Variants in SMG9 observed in about 807,000 individuals in gnomAD.
The protein encoded by SMG9 is SMG9 nonsense mediated mRNA decay factor.
In SMG9, 55 loss-of-function variants were observed where a neutral mutation model predicts 64.0. The observed-to-expected ratio is 0.86, with a 90% CI of 0.69 to 1.08. The LOEUF is 1.08. Ranked by LOEUF, SMG9 falls within the 50% of genes least tolerant of loss-of-function variation. SMG9 has a pLI of 0.00. For missense variants in SMG9, 554 were observed against 681.3 expected, an observed-to-expected ratio of 0.81 and a Z score of 2.08; for synonymous variants, 244 against 254.8, an observed-to-expected ratio of 0.96 and a Z score of 0.41.
chr19:43,748,887 T>C, intron 2 of SMG9: 1 of 501,742 alleles, frequency 2.0e-6, no homozygotes, highest in Non-Finnish European at 4.0e-6. Context: ...AAAAGAAGTT[T>C]CAAGGGAAAA....
chr19:43,747,847 G>A lies in SMG9; in HGVS notation c.276C>T (p.Ala92=), dbSNP rs1485905984. The part of the protein sequence containing the change: ...PTAPAAPPAP[A]PLEKPIVLMK... ...TGAGAACGATGGGCTTCTCCAGAGG[G>A]GCTGGAGCAGGCGGGGCAGCAGGGG... Residue 92 remains alanine, a synonymous_variant, in exon 4 of 14, where the codon GCC becomes GCT. Transcript: ENST00000270066. 1.9e-6 allele frequency: 3 copies of A among 1,607,428 alleles called. No individual in the cohort carries two copies. Among genetic ancestry groups the A allele is most frequent in the Non-Finnish European group, 2.6e-6 (3 of 1,176,468 alleles).
intron 1 of SMG9, chr19:43,754,380 T>C (rs1217487889): frequency 1.3e-5 from 2 of 152,246 alleles, no homozygotes; most frequent in Non-Finnish European, 2.9e-5. Flanking sequence ...CGTTACACGT[T>C]ATTGGGGCGG....
chr19:43,735,377 G>A (rs1968622791), intron 9 of SMG9, among the ~76,000 whole-genome samples: 1 of 152,064 alleles, frequency 6.6e-6, no homozygotes, highest in African/African-American at 2.4e-5. Flanking sequence ...CAGCACTTTG[G>A]GGAGCTGAGG....
At chr19:43,732,297 A>G (rs1393585522) in intron 13 of SMG9, 3 of 161,042 alleles carry the variant, frequency 1.9e-5, no homozygotes, top group Non-Finnish European at 4.1e-5. Context: ...ACCTGGACTC[A>G]TATGCTGAGA....
At chr19:43,744,051 C>T (rs538300217) in intron 6 of SMG9, among the ~76,000 whole-genome samples, 20 of 152,180 alleles carry the variant, frequency 1.3e-4, no homozygotes, top group Non-Finnish European at 2.5e-4. Context: ...CCCTTTCCTT[C>T]TCTGCCCCCA....
rs887001505 is a variant in SMG9 at position 43,729,055 on chromosome 19, T to C, written c.*2541A>G. The C allele has an allele frequency of 4.1e-6, 4 of 985,228 alleles. No individual in the cohort carries two copies. In the African/African-American group the frequency reaches 7.0e-5, roughly 17 times the overall value. The allele number at this position is 985,228 out of a possible 1,614,324, so 61.0% of individuals were successfully genotyped here. On this transcript the variant is annotated 3_prime_UTR_variant, in exon 14 of 14. Coordinates refer to ENST00000270066, the MANE Select transcript of SMG9 (RefSeq NM_019108.4). Reference sequence around the variant, plus strand: ...GCATCAGCCTGAGTCCTCTGCTGGATGTAAAGGGGGTGGCGGGTGACCGGT... The same window carrying C: ...GCATCAGCCTGAGTCCTCTGCTGGACGTAAAGGGGGTGGCGGGTGACCGGT...
chr19:43,732,726 C>T (rs1968522264), intron 13 of SMG9, 132 bp downstream of exon 13: 1 of 1,083,370 alleles, frequency 9.2e-7, no homozygotes, highest in African/African-American at 1.6e-5. Flanking sequence ...GCAATCATCA[C>T]TGTTCCAGAA....
chr19:43,743,751 G>A (rs1343495316), intron 6 of SMG9, among the ~76,000 whole-genome samples: 3 of 152,198 alleles, frequency 2.0e-5, no homozygotes, highest in South Asian at 2.1e-4. Context: ...GGCTATGATC[G>A]TGCCATTGCA....
intron 2 of SMG9, 123 bp from the exon 3 acceptor site, chr19:43,748,175 G>A (rs993912083): frequency 1.7e-6 from 2 of 1,154,106 alleles, no homozygotes; most frequent in Admixed American, 6.3e-5. Context: ...ACAGCCCTGT[G>A]AGATAGATAC....
At chr19:43,746,474 G>T (rs1242921514) in intron 5 of SMG9, among the ~76,000 whole-genome samples, 1 of 152,118 alleles carries the variant, frequency 6.6e-6, no homozygotes, top group African/African-American at 2.4e-5. Context: ...GTTTTTTGTT[G>T]TTGTTCTGTT....
chr19:43,744,804 C>T lies in SMG9; in HGVS notation c.669G>A (p.Leu223=), dbSNP rs1374434108. The change falls in exon 6 of 14, where the codon TTG becomes TTA. Residue 223 remains leucine (L), a synonymous_variant. Coordinates refer to ENST00000270066, the MANE Select transcript of SMG9 (RefSeq NM_019108.4). ...CCTCCTCTGGAGTGTTGGCTGACAA[C>T]AATGACATGACCATGGACTTGCCTG... ...QGTGKSMVMS[L]LSANTPEEDQ... 1.2e-6 allele frequency: 2 copies of T among 1,613,936 alleles called. No individual in the cohort carries two copies. The highest frequency in any genetic ancestry group is 2.2e-5 in the East Asian group (1 of 44,858).
intron 8 of SMG9, chr19:43,737,898 G>A: frequency 1.5e-6 from 1 of 646,792 alleles, no homozygotes. Flanking sequence ...CAGATGCTGA[G>A]GCGTCAAAGG....
chr19:43,744,781 TC>T lies in SMG9; in HGVS notation c.691del (p.Glu231ArgfsTer15). The T allele has an allele frequency of 6.2e-7, 1 of 1,612,984 alleles. No individual in the cohort carries two copies. On this transcript the variant is annotated frameshift_variant, in exon 6 of 14. Transcript: ENST00000270066. LOFTEE classifies it high-confidence loss of function. ...MSLLSANTPE[E>X]DQRTYVFRAQ... ...TCTGATAGCCCCTCACCTCTGGTCC[TC>T]CTCTGGAGTGTTGGCTGACAACAAT...
chr19:43,753,919 GAA>G (rs775764832), intron 1 of SMG9, among the ~76,000 whole-genome samples: 9 of 111,442 alleles, frequency 8.1e-5, no homozygotes, highest in African/African-American at 3.5e-4. Context: ...TTGTCTCAAA[GAA>G]AAAAAAAAAA....
chr19:43,744,710 C>T lies in SMG9; in HGVS notation c.701+62G>A. 3.1e-6 allele frequency: 4 copies of T among 1,297,358 alleles called. No homozygotes were observed. The South Asian group carries it at 5.1e-5, about 17-fold the overall frequency. 80.4% of individuals were successfully genotyped at this position (1,297,358 alleles called of 1,614,324 possible). A position where few individuals can be genotyped will look rare whatever the true frequency, so the allele number is the denominator to read the frequency against. On this transcript the variant is annotated intron_variant, in intron 6 of 13. Coordinates refer to ENST00000270066, the MANE Select transcript of SMG9 (RefSeq NM_019108.4). ...ACACCACTTGAAACACCCAAGCCCA[C>T]CTTGCCCCTGCTCCCAGTGGGTGCC...
At chr19:43,753,918 A>AG (rs1914537615) in intron 1 of SMG9, among the ~76,000 whole-genome samples, 1 of 127,120 alleles carries the variant, frequency 7.9e-6, no homozygotes, top group Admixed American at 7.5e-5. Flanking sequence ...CTTGTCTCAA[A>AG]GAAAAAAAAA....
At chr19:43,749,719 C>T (rs1969136111) in intron 2 of SMG9, among the ~76,000 whole-genome samples, 1 of 152,204 alleles carries the variant, frequency 6.6e-6, no homozygotes, top group Non-Finnish European at 1.5e-5. Flanking sequence ...CAGGTTCTGG[C>T]AGTGAGTCAC....
Position 43,747,548 on chromosome 19 carries a change from T to A in SMG9, c.491-9A>T. 6.2e-7 allele frequency: 1 copy of A among 1,614,112 alleles called. No homozygotes were observed. Among genetic ancestry groups the A allele is most frequent in the Non-Finnish European group, 8.5e-7 (1 of 1,180,008 alleles). ...GGCCTGACCCACGACAGCTGGAGAT[T>A]GGAGAAAGCAGGAGACAGAGGATGC... On this transcript the variant is annotated splice_polypyrimidine_tract_variant and intron_variant, in intron 4 of 13. Coordinates refer to ENST00000270066, the MANE Select transcript of SMG9 (RefSeq NM_019108.4).
chr19:43,733,605 G>T (rs1419529907), intron 11 of SMG9, 21 bp downstream of exon 11: 1 of 1,612,450 alleles, frequency 6.2e-7, no homozygotes, highest in South Asian at 1.1e-5. Context: ...CTAGCTTGGG[G>T]GGTGATGTGG....
Sources: gnomAD v4.1 joint callset for allele counts (sites outside exome capture counted in the v4.1 genomes callset) on GRCh38, gnomAD v4.1.1 for gene constraint, MANE v1.5 for transcripts, NCBI Gene and HGNC (gene_info 2026-07-23, HGNC 2026-07-21) for gene names.